The following TRAPPC9 variants were observed in gnomAD, a reference collection of about 807,000 sequenced individuals.
The protein encoded by TRAPPC9 is IKK2 binding protein.
In TRAPPC9, 83 loss-of-function variants were observed where a neutral mutation model predicts 124.0. The ratio of observed to expected loss-of-function variants is 0.67; its 90% CI spans 0.56 to 0.80. The LOEUF is 0.80. TRAPPC9 is among the 30% of genes least tolerant of loss of function. The probability of loss-of-function intolerance (pLI) is 0.00; values close to 1 mark genes in which losing one functional copy is unlikely to be tolerated. For synonymous variants in TRAPPC9, 638 were observed against 617.5 expected, an observed-to-expected ratio of 1.03 and a Z score of -0.49; for missense variants, 1,302 against 1,508.3, an observed-to-expected ratio of 0.86 and a Z score of 2.27.
intron 4 of TRAPPC9, among the ~76,000 whole-genome samples, chr8:140,429,173 C>T (rs1198811925): frequency 6.6e-6 from 1 of 151,976 alleles, no homozygotes; most frequent in Non-Finnish European, 1.5e-5. Flanking sequence ...CCTCCGCTTC[C>T]CGGGTTCAAG....
Position 139,848,514 on chromosome 8 carries a change from G to T in TRAPPC9, c.3055+37365C>A, listed in dbSNP as rs183233188. Among the ~76,000 whole-genome samples the T allele has an allele frequency of 1.2e-4, 18 of 150,768 alleles. No individual in the cohort carries two copies. In the East Asian group the frequency reaches 3.5e-3, roughly 29 times the overall value. On this transcript the variant is annotated intron_variant, in intron 21 of 22. Coordinates refer to ENST00000438773, the MANE Select transcript of TRAPPC9 (RefSeq NM_001160372.4). ...AGATATGGAATAAACATATATGTGA[G>T]ATATATATATATATACACACACACA...
chr8:140,338,548 G>A lies in TRAPPC9; in HGVS notation c.1495+21502C>T, dbSNP rs571783534. ...ACCCCCAGCACCTCAGAATGTGACC[G>A]TGTGTGGAGACAGGTTCTTCAAAGA... On this transcript the variant is annotated intron_variant, in intron 9 of 22. Transcript: ENST00000438773. Among the ~76,000 whole-genome samples the A allele has an allele frequency of 9.2e-5, 14 of 152,342 alleles. No homozygotes were observed. The East Asian group carries it at 9.6e-4, about 10-fold the overall frequency.
chr8:139,783,320 A>G lies in TRAPPC9; in HGVS notation c.3056-51118T>C, dbSNP rs143590764. On this transcript the variant is annotated intron_variant, in intron 21 of 22. Coordinates refer to ENST00000438773, the MANE Select transcript of TRAPPC9 (RefSeq NM_001160372.4). ...GATCAGGAAAGGAAGGAAGACAGAA[A>G]TTATCAATATCACGATAAAAGAGAT... is the stretch of plus-strand genomic sequence containing the variant. Among the ~76,000 whole-genome samples, 321 of 152,348 alleles carry G rather than the reference A, an allele frequency of 2.1e-3. 2 individuals carry two copies. The highest frequency in any genetic ancestry group is 7.1e-3 in the African/African-American group (294 of 41,580).
chr8:140,200,191 T>C (rs1346206501), intron 17 of TRAPPC9, among the ~76,000 whole-genome samples: 1 of 152,170 alleles, frequency 6.6e-6, no homozygotes, highest in Non-Finnish European at 1.5e-5. Flanking sequence ...TACACTCATG[T>C]TTAACCAGAT....
chr8:140,200,840 G>C (rs1460993969), intron 17 of TRAPPC9, among the ~76,000 whole-genome samples: 1 of 152,142 alleles, frequency 6.6e-6, no homozygotes, highest in South Asian at 2.1e-4. Flanking sequence ...ACCCACGTTG[G>C]TTTCTTATTG....
chr8:140,435,202 G>C lies in TRAPPC9; in HGVS notation c.769C>G (p.His257Asp). 6.2e-7 allele frequency: 1 copy of C among 1,614,016 alleles called. No individual in the cohort carries two copies. The highest frequency in any genetic ancestry group is 8.5e-7 in the Non-Finnish European group (1 of 1,179,996). ...TTCCCACCAGTTCCACCAGGATAGT[G>C]ATAGATGACAGAAGCTGAACACAAT... is the stretch of plus-strand genomic sequence containing the variant. ...EGLCSASVIY[H>D]YPGGTGGKSG... The change falls in exon 4 of 23, where the codon CAC becomes GAC. Residue 257 changes from histidine to aspartate, a missense_variant. Physicochemically the swap from His to Asp is moderately conservative, Grantham distance 81. Coordinates refer to ENST00000438773, the MANE Select transcript of TRAPPC9 (RefSeq NM_001160372.4).
At chr8:140,263,120 G>C (rs2064486979) in intron 15 of TRAPPC9, among the ~76,000 whole-genome samples, 1 of 152,254 alleles carries the variant, frequency 6.6e-6, no homozygotes, top group Admixed American at 6.5e-5. Flanking sequence ...GAAGTGCTCA[G>C]TACGGGCTGC....
intron 5 of TRAPPC9, among the ~76,000 whole-genome samples, chr8:140,425,739 T>C (rs1193093462): frequency 6.6e-6 from 1 of 152,208 alleles, no homozygotes; most frequent in Non-Finnish European, 1.5e-5. Context: ...GGCGGGGCTT[T>C]CAGCTCTTCA....
chr8:140,031,528 CTATAA>C (rs1335948549), intron 17 of TRAPPC9, among the ~76,000 whole-genome samples: 4 of 152,168 alleles, frequency 2.6e-5, no homozygotes, highest in African/African-American at 9.7e-5. Context: ...TGCTCTGTTT[CTATAA>C]TATGACATAA....
chr8:140,197,162 G>A (rs565459621), intron 17 of TRAPPC9, among the ~76,000 whole-genome samples: 2 of 152,298 alleles, frequency 1.3e-5, no homozygotes, highest in South Asian at 2.1e-4. Context: ...AAGAGGAGGA[G>A]AATAAAGTGG....
chr8:140,230,013 C>T (rs2063554408), intron 16 of TRAPPC9, among the ~76,000 whole-genome samples: 1 of 152,194 alleles, frequency 6.6e-6, no homozygotes, highest in Non-Finnish European at 1.5e-5. Flanking sequence ...GCAGTGCACA[C>T]AGACAGACAC....
chr8:139,954,433 G>C (rs1834852268), intron 19 of TRAPPC9, among the ~76,000 whole-genome samples: 1 of 152,146 alleles, frequency 6.6e-6, no homozygotes, highest in Non-Finnish European at 1.5e-5. Flanking sequence ...TCATAAGGGT[G>C]GGCCCTCAGG....
At chr8:140,096,560 C>A (rs1485662850) in intron 17 of TRAPPC9, 4 of 152,118 alleles carry the variant, frequency 2.6e-5, no homozygotes, top group African/African-American at 4.8e-5. Flanking sequence ...AACCAGAATT[C>A]TTGAGGAATA....
At chr8:140,122,023 T>TTCTTTCTCTCTCTC (rs776733761) in intron 17 of TRAPPC9, among the ~76,000 whole-genome samples, 70 of 138,532 alleles carry the variant, frequency 5.1e-4, no homozygotes, top group African/African-American at 1.8e-3. Context: ...CTTTCTTTCT[T>TTCTTTCTCTCTCTC]TCTCTCTCTC....
Position 140,435,126 on chromosome 8 carries a change from T to C in TRAPPC9, c.845A>G (p.Asn282Ser), listed in dbSNP as rs2070766346. 1 of 1,614,070 alleles carries C rather than the reference T, an allele frequency of 6.2e-7. No individual in the cohort carries two copies. Among genetic ancestry groups the C allele is most frequent in the Admixed American group, 1.7e-5 (1 of 60,000 alleles). Residue 282 changes from asparagine to serine, a missense_variant, in exon 4 of 23, where the codon AAT becomes AGT. By Grantham distance (46) the Asn-to-Ser change is conservative. Around this residue, in one of 3 missense-constraint regions of TRAPPC9, gnomAD observed 657 missense variants for 811.2 expected, o/e 0.81. Coordinates refer to ENST00000438773, the MANE Select transcript of TRAPPC9 (RefSeq NM_001160372.4). The stretch of plus-strand genomic sequence containing the variant: ...GCAGAGCTCACCTGGCCGGTGTCTA[T>C]TGGCTGCTTCAGCAGGAAGGGTGCT... ...QGSTLPAEAA[N>S]RHRPGAQEVL...
intron 2 of TRAPPC9, among the ~76,000 whole-genome samples, chr8:140,447,696 A>G (rs2071316931): frequency 6.6e-6 from 1 of 152,138 alleles, no homozygotes; most frequent in Admixed American, 6.5e-5. Flanking sequence ...GCCTATCAGT[A>G]TGGTCAATGT....
chr8:139,827,298 T>C (rs566161915), intron 21 of TRAPPC9, among the ~76,000 whole-genome samples: 34 of 152,190 alleles, frequency 2.2e-4, no homozygotes, highest in Non-Finnish European at 4.7e-4. Flanking sequence ...GGCCGAGGCA[T>C]GTGTCTGGCA....
In TRAPPC9 at chr8:139,728,155, G is replaced by A. The variant is rs1817646486; in HGVS notation, c.*2906C>T. Among the ~76,000 whole-genome samples the A allele has an allele frequency of 6.6e-6, 1 of 152,138 alleles. No individual in the cohort carries two copies. Among genetic ancestry groups the A allele is most frequent in the South Asian group, 2.1e-4 (1 of 4,828 alleles). On this transcript the variant is annotated 3_prime_UTR_variant, in exon 23 of 23. Transcript: ENST00000438773. ...TTTAAGTAACTTGTCCAAGGTCAAG[G>A]AGTTGACAAGTGGCTGAGCTGGAGT...
intron 17 of TRAPPC9, among the ~76,000 whole-genome samples, chr8:140,092,078 A>G (rs1357003947): frequency 2.0e-5 from 3 of 148,544 alleles, no homozygotes; most frequent in African/African-American, 4.9e-5. Flanking sequence ...AAGCACTCCA[A>G]AAAAAAAAAA....
Sources: gnomAD v4.1 joint callset for allele counts (sites outside exome capture counted in the v4.1 genomes callset) on GRCh38, gnomAD v4.1.1 for gene constraint, gnomAD v4.1.1 regional missense constraint, MANE v1.5 for transcripts, NCBI Gene and HGNC (gene_info 2026-07-23, HGNC 2026-07-21) for gene names.